The following SSH2 variants were observed in gnomAD, a reference collection of about 807,000 sequenced individuals.
SSH2 encodes the protein slingshot protein phosphatase 2, also known as protein phosphatase Slingshot homolog 2.
Under a neutral mutation model 135.2 loss-of-function variants are expected in SSH2, and 37 were observed. That is an observed-to-expected ratio of 0.27 (90% CI 0.21 to 0.36). SSH2 has a LOEUF of 0.36. SSH2 is among the 10% of genes least tolerant of loss of function. SSH2 has a pLI of 1.00. For synonymous variants in SSH2, 628 were observed against 646.2 expected (o/e 0.97, Z 0.43); for missense variants, 1,408 against 1,765.3 (o/e 0.80, Z 3.63).
At chr17:29,774,405 C>T (rs986395201) in intron 3 of SSH2, among the ~76,000 whole-genome samples, 1 of 152,108 alleles carries the variant, frequency 6.6e-6, no homozygotes, top group Non-Finnish European at 1.5e-5. Context: ...GCTGGGATTA[C>T]AGGTATACAC....
At chr17:29,655,844 T>C (rs2151010671) in intron 11 of SSH2, among the ~76,000 whole-genome samples, 1 of 152,318 alleles carries the variant, frequency 6.6e-6, no homozygotes, top group East Asian at 1.9e-4. Context: ...ATTCAAATAA[T>C]TTTTGCCCAT....
intron 3 of SSH2, among the ~76,000 whole-genome samples, chr17:29,709,446 G>A (rs895485536): frequency 3.9e-5 from 6 of 152,202 alleles, no homozygotes; most frequent in African/African-American, 1.2e-4. Context: ...GGAGGCCAAG[G>A]AGGGTGGATC....
At chr17:29,790,650 G>T (rs1366483892) in intron 3 of SSH2, among the ~76,000 whole-genome samples, 1 of 151,836 alleles carries the variant, frequency 6.6e-6, no homozygotes, top group East Asian at 1.9e-4. Context: ...TTTTGATGTA[G>T]TCTAATTTAT....
intron 1 of SSH2, among the ~76,000 whole-genome samples, chr17:29,908,763 GAAAAAAAAAAAAAAAA>G (rs60242323): frequency 3.9e-5 from 2 of 50,882 alleles, no homozygotes; most frequent in African/African-American, 1.0e-4. Flanking sequence ...GACTCCATCT[GAAAAAAAAAAAAAAAA>G]AAAAAAAAAA....
chr17:29,926,579 A>G lies in SSH2; in HGVS notation c.63+3359T>C, dbSNP rs2067070611. Among the ~76,000 whole-genome samples, 3 of 151,790 alleles carry G rather than the reference A, an allele frequency of 2.0e-5. No homozygotes were observed. In the South Asian group the frequency reaches 6.3e-4, roughly 32 times the overall value. ...AAAAAAAAAAAAAAAAAATCTTAAA[A>G]TACCACTGTGATCATTTCTACTCAA... On this transcript the variant is annotated intron_variant, in intron 1 of 15. Transcript: ENST00000540801.
chr17:29,648,781 G>C (rs1280136828), intron 13 of SSH2, among the ~76,000 whole-genome samples: 1 of 152,178 alleles, frequency 6.6e-6, no homozygotes, highest in Non-Finnish European at 1.5e-5. Context: ...TGGATCACTT[G>C]AGGTTGGGGG....
intron 1 of SSH2, among the ~76,000 whole-genome samples, chr17:29,890,379 T>G (rs1177515622): frequency 6.6e-6 from 1 of 152,182 alleles, no homozygotes; most frequent in Non-Finnish European, 1.5e-5. Context: ...GCACCATTCA[T>G]AATAGCCAAA....
At chr17:29,722,273 CAA>C (rs541297774) in intron 3 of SSH2, among the ~76,000 whole-genome samples, 96 of 92,744 alleles carry the variant, frequency 1.0e-3, no homozygotes, top group African/African-American at 1.9e-3. Flanking sequence ...GACATTATCT[CAA>C]AAAAAAAAAA....
At chr17:29,750,886 T>C (rs1259610469) in intron 3 of SSH2, among the ~76,000 whole-genome samples, 1 of 151,926 alleles carries the variant, frequency 6.6e-6, no homozygotes, top group Non-Finnish European at 1.5e-5. Context: ...GTATTTTTTT[T>C]TACTCTTGAA....
At chr17:29,732,148 G>A (rs1183428388) in intron 3 of SSH2, among the ~76,000 whole-genome samples, 1 of 152,132 alleles carries the variant, frequency 6.6e-6, no homozygotes, top group African/African-American at 2.4e-5. Flanking sequence ...TTACCTCTCT[G>A]CATCTGAGTT....
chr17:29,809,082 C>T lies in SSH2; in HGVS notation c.145-15145G>A, dbSNP rs757288399. Among the ~76,000 whole-genome samples the T allele has an allele frequency of 7.9e-4, 120 of 152,056 alleles. 1 individual carries two copies. Among genetic ancestry groups the T allele is most frequent in the Non-Finnish European group, 2.1e-4 (14 of 68,010 alleles). On this transcript the variant is annotated intron_variant, in intron 2 of 15. Transcript: ENST00000540801. ...CAGCCTGGCCAACATGGCAAAACTT[C>T]GTCTCTACTAAAAATAAAAAAATTA...
At chr17:29,729,064 A>C (rs2040094726) in intron 3 of SSH2, among the ~76,000 whole-genome samples, 1 of 152,214 alleles carries the variant, frequency 6.6e-6, no homozygotes, top group South Asian at 2.1e-4. Context: ...CAAGTTAAAA[A>C]GCCTCTGCAC....
intron 2 of SSH2, among the ~76,000 whole-genome samples, chr17:29,797,986 G>A (rs963282097): frequency 1.3e-5 from 2 of 152,030 alleles, no homozygotes; most frequent in African/African-American, 4.8e-5. Context: ...TCACAAGACA[G>A]AGGCATGTAT....
chr17:29,698,124 C>T (rs1238650401), intron 4 of SSH2, among the ~76,000 whole-genome samples: 1 of 152,108 alleles, frequency 6.6e-6, no homozygotes, highest in Admixed American at 6.5e-5. Context: ...TACAGAACAT[C>T]CAGAATAGGC....
chr17:29,858,930 A>G (rs1474773076), intron 1 of SSH2, among the ~76,000 whole-genome samples: 2 of 152,158 alleles, frequency 1.3e-5, no homozygotes, highest in African/African-American at 4.8e-5. Flanking sequence ...AGATACACCC[A>G]GAGGAAAGAC....
intron 11 of SSH2, among the ~76,000 whole-genome samples, chr17:29,666,470 G>A (rs2037281350): frequency 6.6e-6 from 1 of 152,066 alleles, no homozygotes; most frequent in South Asian, 2.1e-4. Flanking sequence ...ATCACCTGAG[G>A]TCAGGAGTTC....
intron 3 of SSH2, among the ~76,000 whole-genome samples, chr17:29,736,878 T>C (rs2040387941): frequency 7.0e-6 from 1 of 142,626 alleles, no homozygotes; most frequent in African/African-American, 2.6e-5. Context: ...GGCAGGCAGA[T>C]CACAAGGTCA....
At chr17:29,686,399 C>T (rs975128252) in intron 5 of SSH2, among the ~76,000 whole-genome samples, 4 of 150,082 alleles carry the variant, frequency 2.7e-5, no homozygotes, top group African/African-American at 9.8e-5. Flanking sequence ...TCTTGCTCTG[C>T]CTCTCAGGCT....
chr17:29,914,999 A>C (rs553280155), intron 1 of SSH2, among the ~76,000 whole-genome samples: 27 of 152,340 alleles, frequency 1.8e-4, no homozygotes, highest in Non-Finnish European at 2.5e-4. Flanking sequence ...GTTTCCTTTA[A>C]AATTTAATAG....
Sources: gnomAD v4.1 joint callset for allele counts (sites outside exome capture counted in the v4.1 genomes callset) on GRCh38, gnomAD v4.1.1 for gene constraint, MANE v1.5 for transcripts, NCBI Gene and HGNC (gene_info 2026-07-23, HGNC 2026-07-21) for gene names.